CDH13: variants seen among roughly 807,000 people sequenced by gnomAD.
CDH13 encodes the protein cadherin 13.
A neutral mutation model predicts 63.8 loss-of-function variants in CDH13; 24 were observed. The observed-to-expected ratio is 0.38, with a 90% CI of 0.27 to 0.53. The LOEUF (loss-of-function observed/expected upper bound fraction) is 0.53, where lower values mean the gene tolerates loss of function less well. CDH13 is among the 20% of genes least tolerant of loss of function. The pLI is 0.85. For synonymous variants in CDH13, 503 were observed against 355.3 expected, an observed-to-expected ratio of 1.42 and a Z score of -4.67; for missense variants, 1,049 against 903.1, an observed-to-expected ratio of 1.16 and a Z score of -2.07.
intron 13 of CDH13, among the ~76,000 whole-genome samples, chr16:83,784,812 T>C (rs1220115373): frequency 1.3e-5 from 2 of 152,092 alleles, no homozygotes; most frequent in Non-Finnish European, 2.9e-5. Context: ...TCCTTCCTGG[T>C]CTTCCCACTG....
At chr16:82,660,553 AG>A (rs1228232644) in intron 1 of CDH13, among the ~76,000 whole-genome samples, 2 of 152,192 alleles carry the variant, frequency 1.3e-5, no homozygotes, top group Admixed American at 6.5e-5. Flanking sequence ...AAACAGAAAC[AG>A]CCCGAGGCCA....
chr16:82,631,338 T>C (rs2150867111), intron 1 of CDH13, among the ~76,000 whole-genome samples: 1 of 152,314 alleles, frequency 6.6e-6, no homozygotes, highest in South Asian at 2.1e-4. Context: ...CAGTTCTGCC[T>C]GTGGAAGGAG....
chr16:82,734,455 T>C (rs1468185194), intron 1 of CDH13, among the ~76,000 whole-genome samples: 1 of 151,988 alleles, frequency 6.6e-6, no homozygotes, highest in Non-Finnish European at 1.5e-5. Context: ...TGCAACAGAA[T>C]GGGCAAAGGG....
chr16:82,858,332 T>TA, intron 1 of CDH13, 30 bp from the exon 2 acceptor site: 1 of 1,480,560 alleles, frequency 6.8e-7, no homozygotes, highest in Non-Finnish European at 9.4e-7. Flanking sequence ...TAAGCCGCTA[T>TA]TAAAATATTG....
chr16:82,861,955 G>T (rs2151172650), intron 2 of CDH13, among the ~76,000 whole-genome samples: 1 of 152,292 alleles, frequency 6.6e-6, no homozygotes, highest in South Asian at 2.1e-4. Flanking sequence ...GTTTATCTGG[G>T]AAAATGTGAT....
intron 2 of CDH13, among the ~76,000 whole-genome samples, chr16:83,009,811 T>G (rs1056252562): frequency 1.3e-5 from 2 of 152,142 alleles, no homozygotes; most frequent in African/African-American, 4.8e-5. Flanking sequence ...AAATACAGAC[T>G]GCTGGGCTCT....
At chr16:83,782,793 T>A (rs925383614) in intron 12 of CDH13, among the ~76,000 whole-genome samples, 1 of 150,938 alleles carries the variant, frequency 6.6e-6, no homozygotes, top group Non-Finnish European at 1.5e-5. Flanking sequence ...CCCATCTCCA[T>A]GATAACACAT....
chr16:83,198,412 C>G (rs1049770649), intron 4 of CDH13, among the ~76,000 whole-genome samples: 5 of 152,006 alleles, frequency 3.3e-5, no homozygotes, highest in Admixed American at 1.3e-4. Flanking sequence ...TCGACACCAA[C>G]AATTTGCAGC....
intron 6 of CDH13, among the ~76,000 whole-genome samples, chr16:83,450,167 G>A (rs775387330): frequency 2.6e-4 from 39 of 152,304 alleles, no homozygotes; most frequent in South Asian, 4.1e-4. Context: ...TGGAGAAAGT[G>A]CACATTCCCA....
In CDH13 at chr16:83,009,137, A is replaced by G. The variant is rs143404828; in HGVS notation, c.158-22873A>G. Among the ~76,000 whole-genome samples the G allele has an allele frequency of 1.4e-4, 21 of 152,346 alleles. No homozygotes were observed. In the East Asian group the frequency reaches 3.5e-3, roughly 25 times the overall value. On this transcript the variant is annotated intron_variant, in intron 2 of 13. Transcript: ENST00000567109. ...AATTCAAGATGAAATATGGGTGAAG[A>G]CACAGCCAAACCAGATCATAGTCCA...
At chr16:82,746,922 G>T (rs1237237353) in intron 1 of CDH13, among the ~76,000 whole-genome samples, 1 of 152,152 alleles carries the variant, frequency 6.6e-6, no homozygotes, top group African/African-American at 2.4e-5. Flanking sequence ...GATTAGAGCA[G>T]CCCTGTTTCT....
rs576423350 is a variant in CDH13 at position 83,080,321 on chromosome 16, C to T, written c.367-45064C>T. 2.6e-5 allele frequency among the ~76,000 whole-genome samples: 4 copies of T among 152,288 alleles called. No homozygotes were observed. In the East Asian group the frequency reaches 5.8e-4, roughly 22 times the overall value. Reference sequence around the variant, plus strand: ...GAATTCAAACCCAGGAAAATTGAGACACCTGTGTATGAAAAGCATAAAGAG... The same window carrying T: ...GAATTCAAACCCAGGAAAATTGAGATACCTGTGTATGAAAAGCATAAAGAG... On this transcript the variant is annotated intron_variant, in intron 3 of 13. Coordinates refer to ENST00000567109, the MANE Select transcript of CDH13 (RefSeq NM_001257.5).
chr16:83,323,161 CTTTCTCTTTCTTTTT>C (rs1196016262), intron 5 of CDH13, among the ~76,000 whole-genome samples: 3 of 2,678 alleles, frequency 1.1e-3, no homozygotes, highest in African/African-American at 1.3e-3. Flanking sequence ...TTCTTTCTTT[CTTTCTCTTTCTTTTT>C]TCTTTCTTTC....
intron 6 of CDH13, among the ~76,000 whole-genome samples, chr16:83,453,230 T>C (rs1443129017): frequency 6.6e-6 from 1 of 152,110 alleles, no homozygotes; most frequent in African/African-American, 2.4e-5. Context: ...GGGTGGGTAG[T>C]GTATGAGGGA....
intron 2 of CDH13, among the ~76,000 whole-genome samples, chr16:83,027,120 C>A (rs1298258790): frequency 6.7e-6 from 1 of 148,772 alleles, no homozygotes; most frequent in African/African-American, 2.5e-5. Context: ...CCCCCACCGC[C>A]CCGCCTCCAA....
chr16:83,144,614 A>G (rs924007787), intron 4 of CDH13, among the ~76,000 whole-genome samples: 5 of 152,246 alleles, frequency 3.3e-5, no homozygotes, highest in Non-Finnish European at 7.3e-5. Flanking sequence ...TGATTATACT[A>G]TGCCCAGATC....
chr16:83,421,138 C>T (rs1171778666), intron 6 of CDH13, among the ~76,000 whole-genome samples: 1 of 152,128 alleles, frequency 6.6e-6, no homozygotes, highest in African/African-American at 2.4e-5. Flanking sequence ...CTAGGAGGAA[C>T]ACTCATATTC....
chr16:83,118,959 G>C (rs942604021), intron 3 of CDH13, among the ~76,000 whole-genome samples: 3 of 151,928 alleles, frequency 2.0e-5, no homozygotes, highest in African/African-American at 7.3e-5. Context: ...CCCATTCCTT[G>C]TCTCCCATTT....
intron 2 of CDH13, among the ~76,000 whole-genome samples, chr16:83,020,097 A>G (rs561059178): frequency 1.3e-5 from 2 of 152,292 alleles, no homozygotes; most frequent in Middle Eastern, 6.8e-3. Flanking sequence ...CGGGATTGCT[A>G]TCATATATGT....
Sources: gnomAD v4.1 joint callset for allele counts (sites outside exome capture counted in the v4.1 genomes callset) on GRCh38, gnomAD v4.1.1 for gene constraint, MANE v1.5 for transcripts, NCBI Gene and HGNC (gene_info 2026-07-23, HGNC 2026-07-21) for gene names.